PDE4B: variants seen among roughly 807,000 people sequenced by gnomAD.
PDE4B encodes phosphodiesterase 4B.
Under a neutral mutation model 82.2 loss-of-function variants are expected in PDE4B, and 20 were observed. The ratio of observed to expected loss-of-function variants is 0.24; its 90% CI spans 0.17 to 0.35. The LOEUF is 0.35. PDE4B is among the 10% of genes least tolerant of loss of function. The pLI, the probability that PDE4B is intolerant of heterozygous loss-of-function variation, is 1.00. For missense variants in PDE4B, 655 were observed against 907.2 expected, an observed-to-expected ratio of 0.72 and a Z score of 3.57; for synonymous variants, 320 against 318.9, an observed-to-expected ratio of 1.00 and a Z score of -0.04.
At chr1:66,133,909 CTT>C (rs1217917599) in intron 3 of PDE4B, among the ~76,000 whole-genome samples, 1 of 152,152 alleles carries the variant, frequency 6.6e-6, no homozygotes, top group Non-Finnish European at 1.5e-5. Context: ...AGCTTTCTGA[CTT>C]TCCCTATTTC....
At chr1:65,796,449 A>G (rs34778236) in intron 1 of PDE4B, among the ~76,000 whole-genome samples, 14,521 of 151,720 alleles carry the variant, frequency 0.096, 846 homozygotes, top group South Asian at 0.15. Context: ...AATAGAAAAC[A>G]TTCATTGGTC....
intron 8 of PDE4B, chr1:66,355,056 T>C: frequency 1.7e-6 from 1 of 603,878 alleles, no homozygotes; most frequent in Non-Finnish European, 2.9e-6. Flanking sequence ...TATTACATTT[T>C]ATTTAAGTGT....
chr1:66,153,833 C>A (rs1646450023), intron 3 of PDE4B, among the ~76,000 whole-genome samples: 1 of 152,166 alleles, frequency 6.6e-6, no homozygotes. Context: ...AAAGGTCTGT[C>A]CTCACAAGAC....
chr1:66,218,594 C>G (rs1650700284), intron 3 of PDE4B, among the ~76,000 whole-genome samples: 2 of 152,072 alleles, frequency 1.3e-5, no homozygotes. Context: ...TTTTCAATAT[C>G]AGTGCTCACC....
At chr1:66,338,751 G>A (rs887696667) in intron 8 of PDE4B, among the ~76,000 whole-genome samples, 2 of 152,162 alleles carry the variant, frequency 1.3e-5, no homozygotes, top group African/African-American at 4.8e-5. Flanking sequence ...GGGCGCGGTG[G>A]CTCACGCCTG....
intron 3 of PDE4B, among the ~76,000 whole-genome samples, chr1:66,034,620 A>G (rs1483976650): frequency 6.6e-6 from 1 of 152,168 alleles, no homozygotes; most frequent in African/African-American, 2.4e-5. Flanking sequence ...TTCTGCACAA[A>G]CTTCAGCCTG....
intron 3 of PDE4B, among the ~76,000 whole-genome samples, chr1:66,148,415 T>C (rs1646318065): frequency 6.6e-6 from 1 of 152,198 alleles, no homozygotes; most frequent in Non-Finnish European, 1.5e-5. Context: ...CTGAAAGCTT[T>C]CTATGCCGAT....
At chr1:65,911,479 A>T (rs954429174) in intron 1 of PDE4B, among the ~76,000 whole-genome samples, 6 of 152,164 alleles carry the variant, frequency 3.9e-5, no homozygotes, top group Admixed American at 1.3e-4. Flanking sequence ...CGTTTAAAAC[A>T]CATTTAAATC....
chr1:65,872,828 T>G (rs938536670), intron 1 of PDE4B, among the ~76,000 whole-genome samples: 4 of 152,188 alleles, frequency 2.6e-5, no homozygotes, highest in African/African-American at 9.6e-5. Context: ...TATCATCTCA[T>G]GTGATATTCA....
At chr1:66,228,301 A>G (rs1349453276) in intron 3 of PDE4B, among the ~76,000 whole-genome samples, 6 of 152,140 alleles carry the variant, frequency 3.9e-5, no homozygotes, top group Non-Finnish European at 8.8e-5. Flanking sequence ...GTAAAGATCC[A>G]TTGGTCCTCT....
At chr1:66,359,498 T>A (rs1662579401) in intron 9 of PDE4B, among the ~76,000 whole-genome samples, 1 of 152,208 alleles carries the variant, frequency 6.6e-6, no homozygotes, top group Admixed American at 6.5e-5. Context: ...AATGCCTGCA[T>A]AGGGAAACAC....
At position 66,213,953 on chromosome 1, in the gene PDE4B, G is replaced by A. The variant is rs775716058; in HGVS notation, c.282-33507G>A. On this transcript the variant is annotated intron_variant, in intron 3 of 16. Transcript: ENST00000341517. ...TTTGAATTAATTAGCATGACCAAAC[G>A]CTTCTTTATAATCTAGTACTGTTTA... Among the ~76,000 whole-genome samples the A allele has an allele frequency of 2.6e-5, 4 of 152,190 alleles. No individual in the cohort carries two copies. The South Asian group carries it at 6.2e-4, about 24-fold the overall frequency.
At chr1:66,059,085 A>G (rs1469962136) in intron 3 of PDE4B, among the ~76,000 whole-genome samples, 1 of 152,116 alleles carries the variant, frequency 6.6e-6, no homozygotes, top group Non-Finnish European at 1.5e-5. Context: ...TATACCCTCA[A>G]TCATCCCTCT....
chr1:66,194,077 A>G (rs1648063307), intron 3 of PDE4B, among the ~76,000 whole-genome samples: 1 of 151,918 alleles, frequency 6.6e-6, no homozygotes, highest in Non-Finnish European at 1.5e-5. Flanking sequence ...CTTTGAACTA[A>G]CTCACTTTCT....
chr1:66,081,739 A>G (rs1398786599), intron 3 of PDE4B, among the ~76,000 whole-genome samples: 1 of 152,026 alleles, frequency 6.6e-6, no homozygotes, highest in African/African-American at 2.4e-5. Context: ...GCTCTGCACG[A>G]CAGGTGGATA....
chr1:65,869,497 T>A (rs1351375933), intron 1 of PDE4B, among the ~76,000 whole-genome samples: 2 of 152,216 alleles, frequency 1.3e-5, no homozygotes, highest in African/African-American at 4.8e-5. Context: ...ACACAAGGTG[T>A]ACAAGACTTC....
At chr1:65,993,532 A>G (rs555930231) in intron 3 of PDE4B, among the ~76,000 whole-genome samples, 15 of 152,296 alleles carry the variant, frequency 9.8e-5, no homozygotes, top group South Asian at 2.1e-4. Flanking sequence ...TGGGACATGA[A>G]TAAGTGTTTT....
chr1:65,844,519 C>A (rs963728911), intron 1 of PDE4B, among the ~76,000 whole-genome samples: 3 of 151,898 alleles, frequency 2.0e-5, no homozygotes, highest in African/African-American at 7.3e-5. Context: ...TACTTGGTAG[C>A]CAAAATAACT....
chr1:66,035,490 C>A (rs1251711462), intron 3 of PDE4B, among the ~76,000 whole-genome samples: 4 of 152,102 alleles, frequency 2.6e-5, no homozygotes, highest in African/African-American at 9.7e-5. Context: ...GTTCACTTCC[C>A]AACTCCCAGC....
Sources: allele counts gnomAD v4.1 joint callset (sites outside exome capture counted in the v4.1 genomes callset), GRCh38; gene constraint gnomAD v4.1.1; transcripts MANE v1.5; gene names NCBI Gene and HGNC (gene_info 2026-07-23, HGNC 2026-07-21).